Variants in SLC51A observed in about 807,000 individuals in gnomAD.
SLC51A encodes the protein solute carrier family 51 member A, also known as organic solute transporter subunit alpha.
Under a neutral mutation model 34.8 loss-of-function variants are expected in SLC51A, and 22 were observed. The ratio of observed to expected loss-of-function variants is 0.63; its 90% confidence interval spans 0.45 to 0.90. SLC51A has a LOEUF of 0.90. Ranked by LOEUF, SLC51A falls within the 40% of genes least tolerant of loss-of-function variation. The probability of loss-of-function intolerance (pLI) is 0.00; values close to 1 mark genes in which losing one functional copy is unlikely to be tolerated. For missense variants in SLC51A, 371 were observed against 414.8 expected, an observed-to-expected ratio of 0.89 and a Z score of 0.92; for synonymous variants, 181 against 176.3, an observed-to-expected ratio of 1.03 and a Z score of -0.21.
rs765624126 is a variant in SLC51A at position 196,227,632 on chromosome 3, CGCCCTCACCTGCTCCT to C, written c.289-27_289-12del. 2.5e-6 allele frequency: 4 copies of C among 1,606,940 alleles called. No individual in the cohort carries two copies. The Admixed American group carries it at 6.7e-5, about 27-fold the overall frequency. ...TTCCGGAGCCTCAGGGTCTCCCTCCCGCCCTCACCTGCTCCTGCCCCTTCTGAGCAGGTGGTGTCTG... is the reference window on the plus strand; with the variant it reads ...TTCCGGAGCCTCAGGGTCTCCCTCCCGCCCCTTCTGAGCAGGTGGTGTCTG... On this transcript the variant is annotated splice_polypyrimidine_tract_variant and intron_variant, in intron 3 of 8. Transcript: ENST00000296327.
intron 2 of SLC51A, among the ~76,000 whole-genome samples, chr3:196,224,724 GA>G: frequency 1.5e-5 from 1 of 68,944 alleles, no homozygotes; most frequent in Non-Finnish European, 2.9e-5. Flanking sequence ...GGGAGGGGAG[GA>G]GAGGGGAGGA....
At chr3:196,226,783 A>AAAG (rs1723902376) in intron 2 of SLC51A, among the ~76,000 whole-genome samples, 182 bp from the exon 3 acceptor site, 2 of 150,292 alleles carry the variant, frequency 1.3e-5, no homozygotes, top group Middle Eastern at 3.4e-3. Context: ...TAAAAAAAAA[A>AAAG]AAAAAAGAAA....
chr3:196,218,069 G>C, intron 2 of SLC51A, 133 bp downstream of exon 2: 1 of 785,798 alleles, frequency 1.3e-6, no homozygotes, highest in Admixed American at 2.1e-5. Flanking sequence ...GTCTGTCATC[G>C]TGGTTAAGGC....
chr3:196,226,372 T>C (rs1454948236), intron 2 of SLC51A: 2 of 151,958 alleles, frequency 1.3e-5, no homozygotes, highest in Admixed American at 1.3e-4. Context: ...CCATATAATT[T>C]TGGTGAAATC....
intron 2 of SLC51A, among the ~76,000 whole-genome samples, chr3:196,223,730 G>T (rs1723823901): frequency 1.0e-5 from 1 of 98,570 alleles, no homozygotes; most frequent in African/African-American, 3.8e-5. Context: ...AATCATTCAG[G>T]TTTAGTTAAA....
chr3:196,223,857 CT>C (rs10578707), intron 2 of SLC51A: 11,199 of 330,842 alleles, frequency 0.034, 16 homozygotes, highest in African/African-American at 0.055. Flanking sequence ...TTTTTAATGC[CT>C]TTTTTTTTTT....
chr3:196,225,266 G>A (rs927946238), intron 2 of SLC51A, among the ~76,000 whole-genome samples: 5 of 152,102 alleles, frequency 3.3e-5, no homozygotes, highest in Non-Finnish European at 7.4e-5. Flanking sequence ...GAGCCACCGT[G>A]CCCAGCCGAG....
intron 2 of SLC51A, among the ~76,000 whole-genome samples, chr3:196,220,058 C>A (rs1271465308): frequency 6.6e-6 from 1 of 152,236 alleles, no homozygotes; most frequent in Non-Finnish European, 1.5e-5. Context: ...TTCGGGGACG[C>A]CCCAGGCCCA....
intron 2 of SLC51A, among the ~76,000 whole-genome samples, chr3:196,222,079 C>T (rs1723771642): frequency 6.6e-6 from 1 of 152,146 alleles, no homozygotes; most frequent in South Asian, 2.1e-4. Flanking sequence ...TCCTAAGCTA[C>T]TGGAAGCAAA....
At chr3:196,218,766 G>T (rs1347176524) in intron 2 of SLC51A, among the ~76,000 whole-genome samples, 1 of 151,398 alleles carries the variant, frequency 6.6e-6, no homozygotes, top group Non-Finnish European at 1.5e-5. Flanking sequence ...TTCACTTTAA[G>T]AAAAAACAAG....
chr3:196,221,980 T>A (rs987315460), intron 2 of SLC51A, among the ~76,000 whole-genome samples: 21 of 151,806 alleles, frequency 1.4e-4, no homozygotes, highest in Middle Eastern at 3.4e-3. Flanking sequence ...GGCCTCCCAA[T>A]GTGCTGGGAT....
intron 2 of SLC51A, among the ~76,000 whole-genome samples, chr3:196,221,872 C>A (rs1490896451): frequency 7.2e-5 from 11 of 152,052 alleles, no homozygotes; most frequent in Admixed American, 3.9e-4. Flanking sequence ...CCCGCCACCA[C>A]ACCCGGCTAA....
In SLC51A at chr3:196,222,763, C is replaced by T. The variant is rs536274631; in HGVS notation, c.134-4202C>T. On this transcript the variant is annotated intron_variant, in intron 2 of 8. Transcript: ENST00000296327. ...GGAATCATCACATTTAACCTTAATGCATTTCCAAAAATTCTTCAGCTGTGG... is the reference window on the plus strand; with the variant it reads ...GGAATCATCACATTTAACCTTAATGTATTTCCAAAAATTCTTCAGCTGTGG... Among the ~76,000 whole-genome samples the T allele has an allele frequency of 1.1e-4, 16 of 151,832 alleles. 1 individual carries two copies. In the South Asian group the frequency reaches 2.7e-3, roughly 26 times the overall value.
At chr3:196,218,992 G>A (rs1350525762) in intron 2 of SLC51A, among the ~76,000 whole-genome samples, 2 of 152,342 alleles carry the variant, frequency 1.3e-5, no homozygotes, top group Middle Eastern at 3.4e-3. Flanking sequence ...TTGGGAGGCC[G>A]AGGCAGGTGG....
chr3:196,224,590 C>T (rs1048908202), intron 2 of SLC51A, among the ~76,000 whole-genome samples: 3 of 149,926 alleles, frequency 2.0e-5, no homozygotes, highest in African/African-American at 7.4e-5. Context: ...GCAGGAGAAT[C>T]ACTTAAACCT....
At chr3:196,224,956 C>A (rs773644744) in intron 2 of SLC51A, among the ~76,000 whole-genome samples, 1 of 151,328 alleles carries the variant, frequency 6.6e-6, no homozygotes, top group Non-Finnish European at 1.5e-5. Context: ...AAAGAAGACA[C>A]AAATCATCCA....
chr3:196,229,009 C>T, intron 6 of SLC51A, 89 bp downstream of exon 6: 1 of 1,072,482 alleles, frequency 9.3e-7, no homozygotes, highest in Non-Finnish European at 1.4e-6. Context: ...CACCCCTTGA[C>T]AGAGGGCCCC....
At chr3:196,223,025 G>C (rs1454338177) in intron 2 of SLC51A, among the ~76,000 whole-genome samples, 2 of 151,726 alleles carry the variant, frequency 1.3e-5, no homozygotes, top group East Asian at 1.9e-4. Flanking sequence ...TTCATAAATG[G>C]AACGGCCCTC....
At chr3:196,226,724 A>G (rs1723899982) in intron 2 of SLC51A, among the ~76,000 whole-genome samples, 1 of 144,046 alleles carries the variant, frequency 6.9e-6, no homozygotes, top group South Asian at 2.3e-4. Flanking sequence ...CAGTGACCCA[A>G]GTTCACACCA....
Sources: allele counts gnomAD v4.1 joint callset (sites outside exome capture counted in the v4.1 genomes callset), GRCh38; gene constraint gnomAD v4.1.1; transcripts MANE v1.5; gene names NCBI Gene and HGNC (gene_info 2026-07-23, HGNC 2026-07-21).